GALNT7: variants seen among roughly 807,000 people sequenced by gnomAD.
The protein encoded by GALNT7 is N-acetylgalactosaminyltransferase 7.
A neutral mutation model predicts 82.1 loss-of-function variants in GALNT7; 60 were observed. The observed-to-expected ratio is 0.73, with a 90% CI of 0.59 to 0.91. The LOEUF (loss-of-function observed/expected upper bound fraction) is 0.91. Ranked by LOEUF, GALNT7 falls within the 40% of genes least tolerant of loss-of-function variation. GALNT7 has a pLI of 0.00. For synonymous variants in GALNT7, 243 were observed against 275.1 expected (o/e 0.88, Z 1.15); for missense variants, 660 against 804.2 (o/e 0.82, Z 2.17).
At chr4:173,239,848 T>C (rs924709555) in intron 1 of GALNT7, among the ~76,000 whole-genome samples, 1 of 152,240 alleles carries the variant, frequency 6.6e-6, no homozygotes, top group Non-Finnish European at 1.5e-5. Context: ...TATGGTTCTT[T>C]AAAAGTAAAT....
chr4:173,239,174 A>C (rs1478092173), intron 1 of GALNT7, among the ~76,000 whole-genome samples: 1 of 152,238 alleles, frequency 6.6e-6, no homozygotes, highest in Non-Finnish European at 1.5e-5. Context: ...GAGGAAGAGA[A>C]GAAACTAAAA....
intron 1 of GALNT7, among the ~76,000 whole-genome samples, chr4:173,179,161 C>T (rs1020459257): frequency 2.6e-4 from 40 of 152,162 alleles, no homozygotes; most frequent in African/African-American, 9.2e-4. Context: ...ACTGTGTATT[C>T]GCTGGTATCT....
intron 1 of GALNT7, among the ~76,000 whole-genome samples, chr4:173,230,227 CA>C (rs1423643807): frequency 6.6e-6 from 1 of 152,174 alleles, no homozygotes; most frequent in African/African-American, 2.4e-5. Context: ...TGCACCACTT[CA>C]GCAGCTTATG....
At chr4:173,169,609 G>C (rs1312042570) in intron 1 of GALNT7, 1 of 151,612 alleles carries the variant, frequency 6.6e-6, no homozygotes, top group African/African-American at 2.4e-5. Context: ...GGGAGCCGGG[G>C]TGCGATGCGC....
intron 7 of GALNT7, among the ~76,000 whole-genome samples, chr4:173,303,211 A>C (rs1213512758): frequency 3.9e-5 from 6 of 152,116 alleles, no homozygotes; most frequent in South Asian, 4.1e-4. Context: ...AAAAAAAGAA[A>C]GAGCGAGCGT....
rs751259706 is a variant in GALNT7 at position 173,317,614 on chromosome 4, G to A, written c.1609-20G>A. 1.8e-5 allele frequency: 27 copies of A among 1,472,670 alleles called. 1 individual carries two copies. Among genetic ancestry groups the A allele is most frequent in the Middle Eastern group, 1.7e-4 (1 of 5,838 alleles). The allele number at this position is 1,472,670 out of a possible 1,614,324, so 91.2% of individuals were successfully genotyped here. On this transcript the variant is annotated intron_variant, in intron 9 of 11. Transcript: ENST00000265000. ...AACTAAACTGTTGCCTGCTTTTTGCGTCTTTATTCATTTTTTTAGATCAGA... is the reference window on the plus strand; with the variant it reads ...AACTAAACTGTTGCCTGCTTTTTGCATCTTTATTCATTTTTTTAGATCAGA...
At chr4:173,308,875 C>T (rs578020263) in intron 8 of GALNT7, among the ~76,000 whole-genome samples, 1 of 152,310 alleles carries the variant, frequency 6.6e-6, no homozygotes, top group South Asian at 2.1e-4. Flanking sequence ...TGCACTCCAG[C>T]CTGGGCAACA....
At position 173,199,483 on chromosome 4, in the gene GALNT7, C is replaced by T. The variant is rs533437376; in HGVS notation, c.126+30522C>T. On this transcript the variant is annotated intron_variant, in intron 1 of 11. Transcript: ENST00000265000. The stretch of plus-strand genomic sequence containing the variant: ...AAGATGATGATGTTAGAGATATTCC[C>T]GTCATAACCATCATCGTTACAGTTG... Among the ~76,000 whole-genome samples, 11 of 152,242 alleles carry T rather than the reference C, an allele frequency of 7.2e-5. No individual in the cohort carries two copies. The South Asian group carries it at 1.9e-3, about 26-fold the overall frequency.
At chr4:173,178,007 C>CTGTGTGTGTGTGTGTGTG (rs70944437) in intron 1 of GALNT7, among the ~76,000 whole-genome samples, 1 of 137,726 alleles carries the variant, frequency 7.3e-6, no homozygotes, top group African/African-American at 2.8e-5. Context: ...ATCCGCAAGT[C>CTGTGTGTGTGTGTGTGTG]TGTGTGTGTG....
At chr4:173,288,056 G>C (rs984242980) in intron 2 of GALNT7, among the ~76,000 whole-genome samples, 23 of 151,900 alleles carry the variant, frequency 1.5e-4, no homozygotes, top group Non-Finnish European at 2.5e-4. Flanking sequence ...GGCCGAGGCG[G>C]GCGGATCACG....
chr4:173,264,917 C>T (rs999384256), intron 2 of GALNT7, among the ~76,000 whole-genome samples: 2 of 152,142 alleles, frequency 1.3e-5, no homozygotes, highest in Admixed American at 6.5e-5. Flanking sequence ...CTGCCAGGTG[C>T]GACAGCTCTT....
At position 173,322,181 on chromosome 4, in the gene GALNT7, C is replaced by A. The variant is rs1737846739; in HGVS notation, c.*464C>A. ...AATTTTACATCTTTTTGAAGCACTG[C>A]CACAGGTTATTAGCCAAGGTGGCCT... On this transcript the variant is annotated 3_prime_UTR_variant, in exon 12 of 12. Transcript: ENST00000265000. 1 of 153,792 alleles carries A rather than the reference C, an allele frequency of 6.5e-6. No individual in the cohort carries two copies. Among genetic ancestry groups the A allele is most frequent in the African/African-American group, 2.4e-5 (1 of 41,428 alleles). The allele number at this position is 153,792 out of a possible 1,614,324, so 9.5% of individuals were successfully genotyped here. A position where few individuals can be genotyped will look rare whatever the true frequency, so the allele number is the denominator to read the frequency against.
chr4:173,202,381 TG>T (rs1160693042), intron 1 of GALNT7, among the ~76,000 whole-genome samples: 1 of 152,122 alleles, frequency 6.6e-6, no homozygotes, highest in Non-Finnish European at 1.5e-5. Context: ...TAGGACACTG[TG>T]GGGAGAAGAG....
At chr4:173,243,145 T>C (rs1734491829) in intron 1 of GALNT7, among the ~76,000 whole-genome samples, 1 of 152,228 alleles carries the variant, frequency 6.6e-6, no homozygotes, top group Non-Finnish European at 1.5e-5. Context: ...AACAAGCCTA[T>C]GTTACTGTCA....
chr4:173,298,025 C>CTT, intron 5 of GALNT7, 90 bp from the exon 6 acceptor site: 5 of 1,416,204 alleles, frequency 3.5e-6, no homozygotes, highest in South Asian at 1.4e-5. Flanking sequence ...TATCTAAGTT[C>CTT]TTTTTTTTTT....
At chr4:173,312,484 G>A (rs1490227855) in intron 8 of GALNT7, among the ~76,000 whole-genome samples, 1 of 152,156 alleles carries the variant, frequency 6.6e-6, no homozygotes, top group Non-Finnish European at 1.5e-5. Flanking sequence ...GTGAGAGCAA[G>A]AACTCACCCC....
At chr4:173,227,791 A>G (rs1162217376) in intron 1 of GALNT7, among the ~76,000 whole-genome samples, 1 of 151,962 alleles carries the variant, frequency 6.6e-6, no homozygotes, top group Non-Finnish European at 1.5e-5. Flanking sequence ...ATTTCACTGC[A>G]TTCTGTGTTT....
At chr4:173,216,727 A>ATATATATATTTTTTTTT (rs71244915) in intron 1 of GALNT7, among the ~76,000 whole-genome samples, 2 of 12,980 alleles carry the variant, frequency 1.5e-4, no homozygotes, top group African/African-American at 5.6e-4. Context: ...ATATATATAT[A>ATATATATATTTTTTTTT]TTTTTTTTTT....
intron 2 of GALNT7, among the ~76,000 whole-genome samples, chr4:173,255,878 T>C (rs1265340604): frequency 2.0e-5 from 3 of 152,214 alleles, no homozygotes; most frequent in Non-Finnish European, 4.4e-5. Context: ...CCTTTGGTAA[T>C]TTAGCTCAGA....
Sources: gnomAD v4.1 joint callset for allele counts (sites outside exome capture counted in the v4.1 genomes callset) on GRCh38, gnomAD v4.1.1 for gene constraint, MANE v1.5 for transcripts, NCBI Gene and HGNC (gene_info 2026-07-23, HGNC 2026-07-21) for gene names.